HSPA4: variants seen among roughly 807,000 people sequenced by gnomAD.
HSPA4 encodes heat shock 70 kDa protein 4.
Under a neutral mutation model 106.2 loss-of-function variants are expected in HSPA4, and 25 were observed. That is an observed-to-expected ratio of 0.24 (90% CI 0.17 to 0.33). The LOEUF is 0.33. Among genes scored for constraint, HSPA4 ranks in the 10% least tolerant of loss-of-function variants. The probability of loss-of-function intolerance (pLI) is 1.00; values close to 1 mark genes in which losing one functional copy is unlikely to be tolerated. For missense variants in HSPA4, 841 were observed against 996.0 expected (o/e 0.84, Z 2.10); for synonymous variants, 332 against 333.6 (o/e 1.00, Z 0.05).
intron 1 of HSPA4, among the ~76,000 whole-genome samples, chr5:133,058,431 AC>A (rs1423868892): frequency 3.3e-4 from 51 of 152,322 alleles, no homozygotes; most frequent in African/African-American, 1.2e-3. Flanking sequence ...TAATCTCAGC[AC>A]TTGAAGAGGC....
chr5:133,088,687 A>G (rs550407821), intron 9 of HSPA4, 132 bp downstream of exon 9: 1 of 702,306 alleles, frequency 1.4e-6, no homozygotes, highest in East Asian at 2.6e-5. Context: ...CCTTTGTTTT[A>G]AAATAGAGGT....
Position 133,097,403 on chromosome 5 carries a change from TC to T in HSPA4, c.1929+118del, listed in dbSNP as rs555553599. The T allele has an allele frequency of 7.3e-6, 6 of 820,942 alleles. No homozygotes were observed. The East Asian group carries it at 1.6e-4, about 21-fold the overall frequency. The allele number at this position is 820,942 out of a possible 1,614,324, so 50.9% of individuals were successfully genotyped here. A position where few individuals can be genotyped will look rare whatever the true frequency, so the allele number is the denominator to read the frequency against. ...GTAGAATTATTAAAAATGGAGTTTT[TC>T]TGGGGGGGGCAAAATTTTATATTTT... On this transcript the variant is annotated intron_variant, in intron 15 of 18. Coordinates refer to ENST00000304858, the MANE Select transcript of HSPA4 (RefSeq NM_002154.4).
At chr5:133,057,152 C>T (rs1268990128) in intron 1 of HSPA4, among the ~76,000 whole-genome samples, 6 of 152,120 alleles carry the variant, frequency 3.9e-5, no homozygotes, top group African/African-American at 1.4e-4. Flanking sequence ...TGGGTATCAG[C>T]TCTTTTTGGT....
chr5:133,054,952 G>C (rs1012807637), intron 1 of HSPA4, among the ~76,000 whole-genome samples: 1 of 152,160 alleles, frequency 6.6e-6, no homozygotes, highest in Non-Finnish European at 1.5e-5. Context: ...GGGAAGAACA[G>C]TGTTCCTATC....
intron 7 of HSPA4, among the ~76,000 whole-genome samples, chr5:133,081,138 C>T (rs374580762): frequency 5.3e-5 from 8 of 152,088 alleles, no homozygotes; most frequent in Admixed American, 1.3e-4. Context: ...ACCTCCACCT[C>T]CCGGGTTTAA....
rs755142596 is a variant in HSPA4 at position 133,080,102 on chromosome 5, G to C, written c.908+3204G>C. Among the ~76,000 whole-genome samples the C allele has an allele frequency of 3.6e-4, 54 of 151,006 alleles. 1 individual carries two copies. Among genetic ancestry groups the C allele is most frequent in the Non-Finnish European group, 5.8e-4 (39 of 67,788 alleles). Reference sequence around the variant, plus strand: ...GTTCTTTTTGCTTAGATGCCCAAATGTTTTTGATTTTTTTTTTTCTTGAAA... The same window carrying C: ...GTTCTTTTTGCTTAGATGCCCAAATCTTTTTGATTTTTTTTTTTCTTGAAA... On this transcript the variant is annotated intron_variant, in intron 7 of 18. Coordinates refer to ENST00000304858, the MANE Select transcript of HSPA4 (RefSeq NM_002154.4).
In HSPA4 at chr5:133,088,481, A is replaced by G. The variant is rs776957692; in HGVS notation, c.1063A>G (p.Ser355Gly). 4 of 1,613,674 alleles carry G rather than the reference A, an allele frequency of 2.5e-6. No individual in the cohort carries two copies. The African/African-American group carries it at 5.3e-5, about 22-fold the overall frequency. Residue 355 changes from serine (S) to glycine (G), a missense_variant, in exon 9 of 19, where the codon AGC (serine) becomes GGC (glycine). Physicochemically the swap from Ser to Gly is moderately conservative, Grantham distance 56. Coordinates refer to ENST00000304858, the MANE Select transcript of HSPA4 (RefSeq NM_002154.4). Reference sequence around the variant, plus strand: ...AATCCCTGCGGTAAAAGAGAAGATCAGCAAATTTTTCGGTAAAGAACTTAG... The same window carrying G: ...AATCCCTGCGGTAAAAGAGAAGATCGGCAAATTTTTCGGTAAAGAACTTAG... ...TRIPAVKEKISKFFGKELSTT... is the reference protein window; with the variant it reads ...TRIPAVKEKIGKFFGKELSTT...
intron 12 of HSPA4, among the ~76,000 whole-genome samples, chr5:133,092,467 G>A (rs1182234975): frequency 2.6e-5 from 4 of 152,156 alleles, no homozygotes; most frequent in African/African-American, 9.7e-5. Flanking sequence ...TTATTCTTGT[G>A]TATGTAAGGG....
chr5:133,095,065 CT>C (rs1765693764), intron 13 of HSPA4, among the ~76,000 whole-genome samples: 1 of 152,162 alleles, frequency 6.6e-6, no homozygotes, highest in Non-Finnish European at 1.5e-5. Flanking sequence ...TAATCCAGCA[CT>C]TTGGGAGGCT....
chr5:133,078,589 C>T (rs905106410), intron 7 of HSPA4, among the ~76,000 whole-genome samples: 41 of 139,098 alleles, frequency 2.9e-4, no homozygotes, highest in Non-Finnish European at 4.4e-4. Flanking sequence ...GAGCTGAGAT[C>T]GTGCCACTGT....
rs147785812 is a variant in HSPA4, at chr5:133,094,109, A to G, written c.1650+1320A>G. 2.3e-3 allele frequency among the ~76,000 whole-genome samples: 351 copies of G among 152,322 alleles called. 1 individual carries two copies. Among genetic ancestry groups the G allele is most frequent in the Non-Finnish European group, 4.0e-3 (271 of 68,026 alleles). ...TCCATCTTAAAAAGTTATTTTAAAT[A>G]ATGGAATAATGGATTTAAATATATT... On this transcript the variant is annotated intron_variant, in intron 13 of 18. Transcript: ENST00000304858.
At chr5:133,074,924 T>G (rs1427500559) in intron 6 of HSPA4, among the ~76,000 whole-genome samples, 1 of 152,166 alleles carries the variant, frequency 6.6e-6, no homozygotes, top group African/African-American at 2.4e-5. Flanking sequence ...TCTCAAGTGT[T>G]TGCTTTAATT....
intron 16 of HSPA4, among the ~76,000 whole-genome samples, chr5:133,101,067 A>G (rs1193199000): frequency 2.0e-5 from 3 of 152,166 alleles, no homozygotes; most frequent in Admixed American, 6.5e-5. Flanking sequence ...TGGTCTCCCA[A>G]AGTGCTGGGA....
intron 16 of HSPA4, among the ~76,000 whole-genome samples, chr5:133,100,170 T>G (rs903509515): frequency 3.2e-4 from 48 of 151,876 alleles, no homozygotes; most frequent in African/African-American, 1.2e-3. Context: ...TTCAGGGGAT[T>G]CTCATGCTTC....
intron 18 of HSPA4, 31 bp from the exon 19 acceptor site, chr5:133,104,202 A>C: frequency 6.2e-7 from 1 of 1,600,682 alleles, no homozygotes. Flanking sequence ...TAATTTTATA[A>C]GAAACCAGTT....
intron 15 of HSPA4, among the ~76,000 whole-genome samples, chr5:133,099,286 C>T (rs752022059): frequency 3.3e-5 from 5 of 151,876 alleles, no homozygotes; most frequent in Non-Finnish European, 7.4e-5. Context: ...TCTACCATCA[C>T]GCCCGGGTAA....
chr5:133,072,392 G>GTTTTTTTTTTTTTTTT (rs748459297), intron 4 of HSPA4, among the ~76,000 whole-genome samples: 4 of 75,726 alleles, frequency 5.3e-5, no homozygotes, highest in African/African-American at 2.1e-4. Context: ...GTCCAGGGTT[G>GTTTTTTTTTTTTTTTT]TTTTTTTTTT....
At position 133,067,434 on chromosome 5, in the gene HSPA4, G is replaced by T; in HGVS notation, c.183G>T (p.Lys61Asn). The change falls in exon 3 of 19, where the codon AAG becomes AAT. Residue 61 changes from lysine (K) to asparagine (N), a missense_variant. By Grantham distance (94) the Lys-to-Asn change is moderately conservative. Coordinates refer to ENST00000304858, the MANE Select transcript of HSPA4 (RefSeq NM_002154.4). ...TCTCTTAGGTAATTTCTAATGCAAA[G>T]AACACAGTCCAAGGATTTAAAAGAT... ...AAKSQVISNA[K>N]NTVQGFKRFH... 2 of 1,612,730 alleles carry T rather than the reference G, an allele frequency of 1.2e-6. No individual in the cohort carries two copies. The highest frequency in any genetic ancestry group is 1.7e-6 in the Non-Finnish European group (2 of 1,179,348).
rs1408683592 is a variant in HSPA4, at chr5:133,086,771, GTTTT to G, written c.909-8_909-5del. 1 of 1,597,498 alleles carries G rather than the reference GTTTT, an allele frequency of 6.3e-7. No individual in the cohort carries two copies. The highest frequency in any genetic ancestry group is 8.6e-7 in the Non-Finnish European group (1 of 1,166,110). On this transcript the variant is annotated splice_polypyrimidine_tract_variant and splice_region_variant and intron_variant, in intron 7 of 18. Transcript: ENST00000304858. ...TGTACTGTGTTTTTTGTTTTGTTTT[GTTTT>G]TTATAGAGGCAAATTTCTGGAGATG...
Sources: allele counts gnomAD v4.1 joint callset (sites outside exome capture counted in the v4.1 genomes callset), GRCh38; gene constraint gnomAD v4.1.1; transcripts MANE v1.5; gene names NCBI Gene and HGNC (gene_info 2026-07-23, HGNC 2026-07-21).